PAK5: variants seen among roughly 807,000 people sequenced by gnomAD.
The protein encoded by PAK5 is serine/threonine-protein kinase PAK 5.
In PAK5, 16 loss-of-function variants were observed where a neutral mutation model predicts 65.9. The observed-to-expected ratio is 0.24, with a 90% CI of 0.16 to 0.37. The LOEUF is 0.37. Ranked by LOEUF, PAK5 falls within the 10% of genes least tolerant of loss-of-function variation. The pLI, the probability that PAK5 is intolerant of heterozygous loss-of-function variation, is 1.00. For missense variants in PAK5, 785 were observed against 903.9 expected (o/e 0.87, Z 1.69); for synonymous variants, 371 against 354.9 (o/e 1.05, Z -0.51).
chr20:9,582,622 A>G (rs1005328991), intron 3 of PAK5, among the ~76,000 whole-genome samples: 1 of 152,108 alleles, frequency 6.6e-6, no homozygotes, highest in Admixed American at 6.6e-5. Flanking sequence ...CTTTGGGAAC[A>G]AGTCAGTAAG....
intron 2 of PAK5, among the ~76,000 whole-genome samples, chr20:9,669,366 A>G (rs1569030607): frequency 6.6e-6 from 1 of 152,190 alleles, no homozygotes; most frequent in East Asian, 1.9e-4. Context: ...TATCTTAAAG[A>G]AACTGAATTT....
intron 3 of PAK5, among the ~76,000 whole-genome samples, chr20:9,617,020 G>C (rs923034813): frequency 3.9e-5 from 6 of 152,204 alleles, no homozygotes; most frequent in African/African-American, 1.2e-4. Context: ...ATAAGCCTGA[G>C]AGGCATAACT....
chr20:9,699,226 C>T (rs1474932021), intron 2 of PAK5, among the ~76,000 whole-genome samples: 1 of 152,118 alleles, frequency 6.6e-6, no homozygotes, highest in Non-Finnish European at 1.5e-5. Context: ...GTCTTTCTAG[C>T]TTAAGGGCTC....
intron 1 of PAK5, among the ~76,000 whole-genome samples, chr20:9,766,879 T>C (rs1307668773): frequency 1.3e-5 from 2 of 151,412 alleles, no homozygotes; most frequent in Admixed American, 6.6e-5. Context: ...TATATATGCC[T>C]AACAATATGT....
chr20:9,620,959 A>AAGAGAGAGAG (rs71803029), intron 3 of PAK5, among the ~76,000 whole-genome samples: 1 of 147,052 alleles, frequency 6.8e-6, no homozygotes, highest in Non-Finnish European at 1.5e-5. Context: ...GAGAGAGAGA[A>AAGAGAGAGAG]AGAGAGAGAG....
At chr20:9,752,703 T>A (rs1014699134) in intron 1 of PAK5, among the ~76,000 whole-genome samples, 1 of 152,164 alleles carries the variant, frequency 6.6e-6, no homozygotes, top group African/African-American at 2.4e-5. Context: ...ATTACTGATT[T>A]AATATGGGGA....
intron 1 of PAK5, among the ~76,000 whole-genome samples, chr20:9,774,248 C>T (rs974000848): frequency 6.6e-6 from 1 of 152,212 alleles, no homozygotes; most frequent in Admixed American, 6.5e-5. Flanking sequence ...AGTCCCAACA[C>T]TTCTCTTCTG....
At chr20:9,564,807 A>C (rs1490417225) in intron 5 of PAK5, among the ~76,000 whole-genome samples, 1 of 152,196 alleles carries the variant, frequency 6.6e-6, no homozygotes, top group Non-Finnish European at 1.5e-5. Flanking sequence ...AATATGATAC[A>C]TGTATACGAT....
chr20:9,829,631 TTGAG>T (rs1192327129), intron 1 of PAK5, among the ~76,000 whole-genome samples: 1 of 152,206 alleles, frequency 6.6e-6, no homozygotes, highest in East Asian at 1.9e-4. Context: ...GTCTCAACAA[TTGAG>T]TGTTACCTTT....
chr20:9,793,580 A>C (rs2049072942), intron 1 of PAK5, among the ~76,000 whole-genome samples: 1 of 152,134 alleles, frequency 6.6e-6, no homozygotes, highest in African/African-American at 2.4e-5. Flanking sequence ...TGAAAAAAAA[A>C]CTCATCATCA....
At chr20:9,766,511 TATTCAAGCAGA>T (rs1157113177) in intron 1 of PAK5, among the ~76,000 whole-genome samples, 4 of 40,328 alleles carry the variant, frequency 9.9e-5, no homozygotes, top group African/African-American at 8.6e-4. Context: ...TATATATATA[TATTCAAGCAGA>T]ATATATATAT....
intron 4 of PAK5, among the ~76,000 whole-genome samples, chr20:9,572,958 G>C (rs890974942): frequency 6.6e-6 from 1 of 152,162 alleles, no homozygotes; most frequent in African/African-American, 2.4e-5. Context: ...TATCACCCAG[G>C]CTGCTAAACT....
rs140944509 is a variant in PAK5, at chr20:9,822,371, C to A, written c.-162+16391G>T. Among the ~76,000 whole-genome samples the A allele has an allele frequency of 9.3e-3, 1,399 of 150,842 alleles. 17 individuals are homozygous for A. Among genetic ancestry groups the A allele is most frequent in the Non-Finnish European group, 0.016 (1,068 of 67,848 alleles). ...TTAGGAATATTTTATCTTTCTGTTT[C>A]ATTACAAGGTCAGTTGTAGCCTTAC... On this transcript the variant is annotated intron_variant, in intron 1 of 9. Transcript: ENST00000353224.
chr20:9,654,771 G>A (rs536926938), intron 2 of PAK5, among the ~76,000 whole-genome samples: 2 of 152,008 alleles, frequency 1.3e-5, no homozygotes, highest in South Asian at 2.1e-4. Context: ...ACCATCCTTA[G>A]TCACTCCCAT....
intron 3 of PAK5, among the ~76,000 whole-genome samples, chr20:9,595,954 T>G (rs2046256380): frequency 6.6e-6 from 1 of 151,358 alleles, no homozygotes; most frequent in Non-Finnish European, 1.5e-5. Context: ...GTGTAAGGCC[T>G]GTAGTCTACT....
intron 2 of PAK5, among the ~76,000 whole-genome samples, chr20:9,672,485 T>C (rs751778688): frequency 1.4e-4 from 21 of 151,668 alleles, no homozygotes; most frequent in Non-Finnish European, 2.9e-4. Context: ...GTTCTCATGA[T>C]AGTGAATAAG....
intron 7 of PAK5, among the ~76,000 whole-genome samples, chr20:9,556,133 A>G (rs1207442938): frequency 6.6e-6 from 1 of 152,192 alleles, no homozygotes; most frequent in African/African-American, 2.4e-5. Context: ...ATGTAGCAAA[A>G]CCTGACTGAT....
At chr20:9,550,681 T>C (rs1258245293) in intron 7 of PAK5, among the ~76,000 whole-genome samples, 1 of 152,140 alleles carries the variant, frequency 6.6e-6, no homozygotes, top group African/African-American at 2.4e-5. Context: ...CCAGTAGGAC[T>C]CTGTGAAGAA....
At chr20:9,831,819 T>A (rs1320831763) in intron 1 of PAK5, among the ~76,000 whole-genome samples, 1 of 152,166 alleles carries the variant, frequency 6.6e-6, no homozygotes, top group Non-Finnish European at 1.5e-5. Flanking sequence ...ACTACATTTT[T>A]TAAAATTTGG....
Sources: gnomAD v4.1 joint callset for allele counts (sites outside exome capture counted in the v4.1 genomes callset) on GRCh38, gnomAD v4.1.1 for gene constraint, MANE v1.5 for transcripts, NCBI Gene and HGNC (gene_info 2026-07-23, HGNC 2026-07-21) for gene names.